The following LHFPL3 variants were observed in gnomAD, a reference collection of about 807,000 sequenced individuals.
The protein encoded by LHFPL3 is LHFPL tetraspan subfamily member 3, also known as LHFPL tetraspan subfamily member 3 protein.
A neutral mutation model predicts 19.3 loss-of-function variants in LHFPL3; 5 were observed. The observed-to-expected ratio is 0.26, with a 90% CI of 0.14 to 0.54. LHFPL3 has a LOEUF of 0.54. Among genes scored for constraint, LHFPL3 ranks in the 20% least tolerant of loss-of-function variants. LHFPL3 has a pLI of 0.94. For missense variants in LHFPL3, 249 were observed against 307.4 expected, an observed-to-expected ratio of 0.81 and a Z score of 1.42; for synonymous variants, 133 against 126.2, an observed-to-expected ratio of 1.05 and a Z score of -0.36.
At chr7:104,823,264 A>C (rs1790712775) in intron 2 of LHFPL3, among the ~76,000 whole-genome samples, 1 of 152,208 alleles carries the variant, frequency 6.6e-6, no homozygotes, top group African/African-American at 2.4e-5. Flanking sequence ...ATCTGCATGA[A>C]GAGTTTGGAA....
At chr7:104,407,489 T>A (rs1263514894) in intron 1 of LHFPL3, among the ~76,000 whole-genome samples, 1 of 152,102 alleles carries the variant, frequency 6.6e-6, no homozygotes, top group Non-Finnish European at 1.5e-5. Context: ...AAACCCCATC[T>A]CTACTAAAAA....
intron 1 of LHFPL3, among the ~76,000 whole-genome samples, chr7:104,572,158 C>A (rs1279916404): frequency 6.6e-6 from 1 of 152,226 alleles, no homozygotes. Context: ...ATTTTTCACA[C>A]AGATTTGAAT....
At chr7:104,666,244 A>G (rs920939230) in intron 1 of LHFPL3, among the ~76,000 whole-genome samples, 5 of 152,008 alleles carry the variant, frequency 3.3e-5, no homozygotes, top group African/African-American at 4.8e-5. Flanking sequence ...TAACTATACT[A>G]TCAAACATTA....
intron 1 of LHFPL3, among the ~76,000 whole-genome samples, chr7:104,547,934 G>A (rs1352042428): frequency 6.6e-6 from 1 of 152,122 alleles, no homozygotes; most frequent in Non-Finnish European, 1.5e-5. Context: ...TGATCTCACA[G>A]TAAATATCAT....
intron 2 of LHFPL3, among the ~76,000 whole-genome samples, chr7:104,897,798 A>G (rs1792395189): frequency 1.3e-5 from 2 of 152,202 alleles, no homozygotes; most frequent in Admixed American, 1.3e-4. Flanking sequence ...AGCATTAAAT[A>G]AAGCAATTAG....
chr7:104,809,684 A>G (rs1790429023), intron 2 of LHFPL3, among the ~76,000 whole-genome samples: 1 of 152,254 alleles, frequency 6.6e-6, no homozygotes, highest in South Asian at 2.1e-4. Flanking sequence ...TACCAAATGA[A>G]TGGCTTAAAA....
chr7:104,400,939 T>C (rs916937062), intron 1 of LHFPL3, among the ~76,000 whole-genome samples: 3 of 152,228 alleles, frequency 2.0e-5, no homozygotes, highest in African/African-American at 7.2e-5. Flanking sequence ...CCTCATTACA[T>C]TGTAGGAAAT....
chr7:104,366,015 A>G (rs1351473654), intron 1 of LHFPL3, among the ~76,000 whole-genome samples: 1 of 152,204 alleles, frequency 6.6e-6, no homozygotes, highest in Non-Finnish European at 1.5e-5. Flanking sequence ...CACCAGGACC[A>G]GGGATGAGGA....
intron 1 of LHFPL3, among the ~76,000 whole-genome samples, chr7:104,512,380 C>T (rs1423337870): frequency 2.6e-5 from 4 of 152,110 alleles, no homozygotes; most frequent in Non-Finnish European, 5.9e-5. Context: ...TGGCGATTCA[C>T]ACCATAAACT....
In LHFPL3 at chr7:104,328,927, G is replaced by A. The variant is rs1367619501; in HGVS notation, c.148G>A (p.Val50Ile). 1 of 1,614,192 alleles carries A rather than the reference G, an allele frequency of 6.2e-7. No individual in the cohort carries two copies. Among genetic ancestry groups the A allele is most frequent in the Admixed American group, 1.7e-5 (1 of 60,036 alleles). ...WAIFTICFAI[V>I]NVVCFIQPYW... ...CATCTTCACCATCTGCTTTGCCATC[G>A]TCAACGTGGTGTGCTTCATCCAGCC... Residue 50 changes from valine to isoleucine, a missense_variant, in exon 1 of 3, where the codon GTC becomes ATC. Physicochemically the swap from Val to Ile is conservative, Grantham distance 29 (BLOSUM62 3). Transcript: ENST00000424859. This position sits in a 1 kb window ranked among gnomAD's most constrained non-coding sequence, Gnocchi z 4.6.
At chr7:104,495,635 G>A (rs1225494275) in intron 1 of LHFPL3, among the ~76,000 whole-genome samples, 1 of 152,116 alleles carries the variant, frequency 6.6e-6, no homozygotes, top group Non-Finnish European at 1.5e-5. Context: ...TGCCCGCCTT[G>A]GCCTCCCAAA....
chr7:104,386,884 G>A (rs527758422), intron 1 of LHFPL3, among the ~76,000 whole-genome samples: 3 of 152,048 alleles, frequency 2.0e-5, no homozygotes, highest in South Asian at 2.1e-4. Flanking sequence ...GGGAGTGGGG[G>A]TGGGGAAGGA....
intron 1 of LHFPL3, among the ~76,000 whole-genome samples, chr7:104,693,028 G>A (rs559164083): frequency 2.0e-4 from 30 of 152,354 alleles, no homozygotes; most frequent in Non-Finnish European, 2.6e-4. Context: ...GCCCAAGGCC[G>A]TGAGAGCCCA....
Position 104,793,543 on chromosome 7 carries a change from A to C in LHFPL3, c.682+56632A>C, listed in dbSNP as rs1183379374. On this transcript the variant is annotated intron_variant, in intron 2 of 2. Transcript: ENST00000424859. ...CAGGGTAAAAATCAATAGCAGCCAC[A>C]AAAAGGTAACACATTTTTCTAAAGA... Among the ~76,000 whole-genome samples the C allele has an allele frequency of 3.3e-5, 5 of 152,214 alleles. No individual in the cohort carries two copies. In the East Asian group the frequency reaches 9.6e-4, roughly 29 times the overall value.
chr7:104,349,290 TATAAA>T (rs1400906930), intron 1 of LHFPL3, among the ~76,000 whole-genome samples: 1 of 152,196 alleles, frequency 6.6e-6, no homozygotes, highest in Non-Finnish European at 1.5e-5. Context: ...TGTTTTTTCT[TATAAA>T]ATAGTTGTCT....
chr7:104,742,912 T>G (rs1471680811), intron 2 of LHFPL3, among the ~76,000 whole-genome samples: 1 of 149,648 alleles, frequency 6.7e-6, no homozygotes, highest in Non-Finnish European at 1.5e-5. Context: ...GGGACAGGAG[T>G]TTGAGACCAG....
intron 1 of LHFPL3, among the ~76,000 whole-genome samples, chr7:104,565,056 A>C (rs900650297): frequency 6.6e-6 from 1 of 152,254 alleles, no homozygotes; most frequent in African/African-American, 2.4e-5. Flanking sequence ...TGTGGCCTGC[A>C]TTGATCTGGA....
At chr7:104,653,495 G>A (rs1792069818) in intron 1 of LHFPL3, among the ~76,000 whole-genome samples, 1 of 152,166 alleles carries the variant, frequency 6.6e-6, no homozygotes, top group Non-Finnish European at 1.5e-5. Context: ...AGACCAGATA[G>A]TAAATAATTT....
intron 1 of LHFPL3, among the ~76,000 whole-genome samples, chr7:104,700,964 A>G (rs1033201677): frequency 6.6e-6 from 1 of 152,028 alleles, no homozygotes; most frequent in Non-Finnish European, 1.5e-5. Context: ...ACTGGTTAGG[A>G]TCTATTGTTT....
Sources: gnomAD v4.1 joint callset for allele counts (sites outside exome capture counted in the v4.1 genomes callset) on GRCh38, gnomAD v4.1.1 for gene constraint, Gnocchi (gnomAD v3.1) non-coding constraint, MANE v1.5 for transcripts, NCBI Gene and HGNC (gene_info 2026-07-23, HGNC 2026-07-21) for gene names.